Variants in GLRA1 observed in about 807,000 individuals in gnomAD.
GLRA1 encodes the protein glycine receptor alpha 1, also known as glycine receptor subunit alpha-1.
GLRA1 carries 37 observed loss-of-function variants against 48.3 expected under a neutral mutation model. The observed-to-expected ratio is 0.77, with a 90% confidence interval of 0.59 to 1.01. The LOEUF is 1.01. Among genes scored for constraint, GLRA1 ranks in the 50% least tolerant of loss-of-function variants. The probability of loss-of-function intolerance (pLI) is 0.00; values close to 1 mark genes in which losing one functional copy is unlikely to be tolerated. For missense variants in GLRA1, 427 were observed against 571.0 expected, an observed-to-expected ratio of 0.75 and a Z score of 2.57; for synonymous variants, 196 against 210.7, an observed-to-expected ratio of 0.93 and a Z score of 0.60.
chr5:151,833,795 G>GGAAAAAAAAAAA (rs1561548072), intron 7 of GLRA1, among the ~76,000 whole-genome samples: 1 of 22,960 alleles, frequency 4.4e-5, no homozygotes, highest in Non-Finnish European at 9.0e-5. Context: ...GAAGTGGAAA[G>GGAAAAAAAAAAA]CAAAAAAAAA....
chr5:151,854,959 G>A (rs2113349629), intron 6 of GLRA1, 81 bp downstream of exon 6: 1 of 1,407,510 alleles, frequency 7.1e-7, no homozygotes, highest in South Asian at 1.2e-5. Flanking sequence ...AGATCTGTTG[G>A]ATCAATGATT....
At chr5:151,832,920 A>AG (rs1763461980) in intron 7 of GLRA1, among the ~76,000 whole-genome samples, 1 of 152,242 alleles carries the variant, frequency 6.6e-6, no homozygotes. Flanking sequence ...TTACCCAGAA[A>AG]GGGAAGCCCA....
At chr5:151,883,587 A>G (rs1217139438) in intron 3 of GLRA1, among the ~76,000 whole-genome samples, 2 of 152,270 alleles carry the variant, frequency 1.3e-5, no homozygotes, top group Non-Finnish European at 2.9e-5. Context: ...CACGTGGTGA[A>G]GGAATCACGT....
At chr5:151,874,377 C>A (rs1214982560) in intron 3 of GLRA1, among the ~76,000 whole-genome samples, 2 of 152,124 alleles carry the variant, frequency 1.3e-5, no homozygotes, top group East Asian at 3.9e-4. Flanking sequence ...TCCACATGAC[C>A]CCTTGAATCT....
chr5:151,916,356 A>C (rs114401817), intron 1 of GLRA1, among the ~76,000 whole-genome samples: 1,604 of 152,346 alleles, frequency 0.011, 30 homozygotes, highest in African/African-American at 0.037. Flanking sequence ...TCTGCCTGGC[A>C]GCCAGGGTTG....
At chr5:151,902,709 A>G (rs1222666506) in intron 1 of GLRA1, among the ~76,000 whole-genome samples, 1 of 152,214 alleles carries the variant, frequency 6.6e-6, no homozygotes, top group East Asian at 1.9e-4. Context: ...TACAAATAAA[A>G]TAATAACAGC....
At chr5:151,865,858 G>A (rs1753322111) in intron 3 of GLRA1, among the ~76,000 whole-genome samples, 1 of 152,180 alleles carries the variant, frequency 6.6e-6, no homozygotes, top group Non-Finnish European at 1.5e-5. Context: ...ACCCAAACAA[G>A]TTGCTGCCAT....
rs138173310 is a variant in GLRA1 at position 151,822,857 on chromosome 5, T to G, written c.1166A>C (p.Asn389Thr). 206 of 1,614,078 alleles carry G rather than the reference T, an allele frequency of 1.3e-4. No homozygotes were observed. The African/African-American group carries it at 2.0e-3, about 16-fold the overall frequency. The change falls in exon 9 of 9, where the codon AAC becomes ACC. Residue 389 changes from asparagine to threonine, a missense_variant. This residue lies in a region of GLRA1 where 121 missense variants were observed against 96.5 expected (regional missense o/e 1.25). Coordinates refer to ENST00000274576, the MANE Select transcript of GLRA1 (RefSeq NM_000171.4). Reference sequence around the variant, plus strand: ...TGGTGCAGGAGGGGGGTTGGTGGTGTTACTGTTGTTGGCGCCCTTGACTGA... The same window carrying G: ...TGGTGCAGGAGGGGGGTTGGTGGTGGTACTGTTGTTGGCGCCCTTGACTGA... ...GISVKGANNS[N>T]TTNPPPAPSK...
intron 7 of GLRA1, among the ~76,000 whole-genome samples, chr5:151,846,797 TTAAA>T (rs1344520448): frequency 7.9e-5 from 12 of 152,210 alleles, no homozygotes; most frequent in African/African-American, 2.9e-4. Flanking sequence ...CTGGGAGAAT[TTAAA>T]TAAAGTTTCT....
chr5:151,909,852 T>G lies in GLRA1; in HGVS notation c.56+14642A>C, dbSNP rs149254513. On this transcript the variant is annotated intron_variant, in intron 1 of 8. Transcript: ENST00000274576. The stretch of plus-strand genomic sequence containing the variant: ...TTTCCCTCTGGCCACAGTTCCTCCC[T>G]GGGAACTGAAACAACTGGGACATGT... 4.3e-3 allele frequency among the ~76,000 whole-genome samples: 658 copies of G among 152,242 alleles called. 6 individuals carry two copies. Among genetic ancestry groups the G allele is most frequent in the African/African-American group, 0.015 (607 of 41,564 alleles).
chr5:151,829,114 G>A (rs1214582976), intron 7 of GLRA1, 47 bp from the exon 8 acceptor site: 1 of 1,584,386 alleles, frequency 6.3e-7, no homozygotes, highest in Non-Finnish European at 8.6e-7. Context: ...GCAGGGGAAT[G>A]TAAAACATTA....
chr5:151,924,356 C>G (rs1398640343), intron 1 of GLRA1, 138 bp downstream of exon 1: 1 of 706,558 alleles, frequency 1.4e-6, no homozygotes. Flanking sequence ...AGAAGGGAGA[C>G]GGGGGATGGA....
intron 2 of GLRA1, among the ~76,000 whole-genome samples, chr5:151,887,386 G>A (rs549557321): frequency 2.6e-5 from 4 of 152,288 alleles, no homozygotes; most frequent in African/African-American, 9.6e-5. Context: ...ATTCCTAGAG[G>A]AGATGTTGTC....
intron 1 of GLRA1, among the ~76,000 whole-genome samples, chr5:151,913,419 A>G (rs1388030385): frequency 6.6e-6 from 1 of 152,200 alleles, no homozygotes; most frequent in African/African-American, 2.4e-5. Flanking sequence ...TTATGGATGT[A>G]CTGCTTATGG....
At chr5:151,887,361 C>G (rs1434396070) in intron 2 of GLRA1, among the ~76,000 whole-genome samples, 2 of 152,218 alleles carry the variant, frequency 1.3e-5, no homozygotes, top group Non-Finnish European at 2.9e-5. Context: ...GGATTATTCA[C>G]TGGTTTGCTG....
intron 7 of GLRA1, among the ~76,000 whole-genome samples, chr5:151,832,954 G>T (rs1218230970): frequency 1.3e-5 from 2 of 152,210 alleles, no homozygotes; most frequent in Non-Finnish European, 2.9e-5. Flanking sequence ...GGATCTCTCG[G>T]CAGAAACCCT....
At chr5:151,833,722 C>T (rs11954338) in intron 7 of GLRA1, among the ~76,000 whole-genome samples, 53,045 of 148,530 alleles carry the variant, frequency 0.36, 9,845 homozygotes, top group South Asian at 0.45. Flanking sequence ...CTCGGCCTCC[C>T]AGCGTGCTGG....
intron 3 of GLRA1, among the ~76,000 whole-genome samples, chr5:151,873,311 T>A (rs1371424850): frequency 6.7e-6 from 1 of 149,316 alleles, no homozygotes; most frequent in Non-Finnish European, 1.5e-5. Flanking sequence ...TGGTTCCCTC[T>A]CCAGTTCAAC....
At chr5:151,894,050 T>C (rs1754168744) in intron 1 of GLRA1, among the ~76,000 whole-genome samples, 1 of 152,222 alleles carries the variant, frequency 6.6e-6, no homozygotes, top group African/African-American at 2.4e-5. Flanking sequence ...ACTGAAATTA[T>C]ATCCAGGAGA....
Sources: gnomAD v4.1 joint callset for allele counts (sites outside exome capture counted in the v4.1 genomes callset) on GRCh38, gnomAD v4.1.1 for gene constraint, gnomAD v4.1.1 regional missense constraint, MANE v1.5 for transcripts, NCBI Gene and HGNC (gene_info 2026-07-23, HGNC 2026-07-21) for gene names.